The following CMSS1 variants were observed in gnomAD, a reference collection of about 807,000 sequenced individuals.
CMSS1 encodes the protein protein CMSS1.
CMSS1 carries 33 observed loss-of-function variants against 43.5 expected under a neutral mutation model. That is an observed-to-expected ratio of 0.76 (90% confidence interval 0.57 to 1.01). The LOEUF (loss-of-function observed/expected upper bound fraction) is 1.01. Among genes scored for constraint, CMSS1 ranks in the 50% least tolerant of loss-of-function variants. The pLI, the probability that CMSS1 is intolerant of heterozygous loss-of-function variation, is 0.00. For synonymous variants in CMSS1, 115 were observed against 117.2 expected (o/e 0.98, Z 0.12); for missense variants, 313 against 326.4 (o/e 0.96, Z 0.32).
chr3:100,011,790 T>C (rs1710163789), intron 1 of CMSS1: 1 of 152,188 alleles, frequency 6.6e-6, no homozygotes, highest in African/African-American at 2.4e-5. Flanking sequence ...TAAAACACTG[T>C]GTTTTGGTTG....
chr3:99,867,275 C>T (rs1944565515), intron 1 of CMSS1, among the ~76,000 whole-genome samples: 1 of 152,090 alleles, frequency 6.6e-6, no homozygotes, highest in Non-Finnish European at 1.5e-5. Flanking sequence ...GAGAAATGTT[C>T]TGTTTGTGGC....
At chr3:99,906,931 A>T (rs1706636900) in intron 1 of CMSS1, among the ~76,000 whole-genome samples, 1 of 152,228 alleles carries the variant, frequency 6.6e-6, no homozygotes, top group South Asian at 2.1e-4. Context: ...GTGGATGAAG[A>T]CAACTCTGAA....
chr3:99,924,509 T>C (rs1321104856), intron 1 of CMSS1: 24 of 1,209,086 alleles, frequency 2.0e-5, no homozygotes, highest in Non-Finnish European at 2.8e-5. Flanking sequence ...CGGCAGTGGG[T>C]TTTTTTGGTT....
chr3:99,836,682 T>C (rs1942911901), intron 1 of CMSS1, among the ~76,000 whole-genome samples: 2 of 152,194 alleles, frequency 1.3e-5, no homozygotes, highest in Admixed American at 1.3e-4. Flanking sequence ...ATGATAAGAA[T>C]ATAACTAGTT....
chr3:99,899,208 T>A (rs1182826376), intron 1 of CMSS1, among the ~76,000 whole-genome samples: 2 of 152,226 alleles, frequency 1.3e-5, no homozygotes, highest in African/African-American at 4.8e-5. Context: ...TTCGTTGATC[T>A]TTATTTTGCA....
intron 1 of CMSS1, among the ~76,000 whole-genome samples, chr3:100,119,666 G>A (rs1218834972): frequency 6.6e-6 from 1 of 152,142 alleles, no homozygotes; most frequent in Non-Finnish European, 1.5e-5. Flanking sequence ...CCAGAGGAAA[G>A]CAACTTCAGA....
At chr3:99,996,430 G>A (rs564935470) in intron 1 of CMSS1, among the ~76,000 whole-genome samples, 1 of 152,156 alleles carries the variant, frequency 6.6e-6, no homozygotes, top group East Asian at 1.9e-4. Flanking sequence ...ACATTTTCCT[G>A]TCTTCTTCTG....
intron 1 of CMSS1, among the ~76,000 whole-genome samples, chr3:100,003,412 A>T (rs146618278): frequency 6.6e-6 from 1 of 152,170 alleles, no homozygotes; most frequent in Non-Finnish European, 1.5e-5. Context: ...AGTTTAACCA[A>T]TGCACCTAGA....
At chr3:100,107,879 A>AG (rs568290316) in intron 1 of CMSS1, among the ~76,000 whole-genome samples, 1 of 91,756 alleles carries the variant, frequency 1.1e-5, no homozygotes, top group East Asian at 2.7e-4. Flanking sequence ...AAGAGAATTA[A>AG]AAAAAAAAAA....
chr3:99,901,860 T>C (rs1406352464), intron 1 of CMSS1, among the ~76,000 whole-genome samples: 2 of 152,176 alleles, frequency 1.3e-5, no homozygotes, highest in South Asian at 2.1e-4. Context: ...TACATTTGAT[T>C]TTTTTGTGAG....
In CMSS1 at chr3:99,983,485, T is replaced by C. The variant is rs1576619576; in HGVS notation, c.65-163488T>C. 1.3e-4 allele frequency among the ~76,000 whole-genome samples: 3 copies of C among 23,910 alleles called. 1 individual carries two copies. The highest frequency in any genetic ancestry group is 4.0e-4 in the African/African-American group (3 of 7,548). 15.7% of individuals were successfully genotyped at this position (23,910 alleles called of 152,430 possible). ...GTGTGTATATATATATATATATATA[T>C]ATATATATATATATATATATATATG... On this transcript the variant is annotated intron_variant, in intron 1 of 9. Transcript: ENST00000421999.
At chr3:99,930,912 C>G in intron 1 of CMSS1, 1 of 1,613,524 alleles carries the variant, frequency 6.2e-7, no homozygotes, top group Non-Finnish European at 8.5e-7. Flanking sequence ...GAGTCTTTGT[C>G]TTGCTGTCTA....
intron 1 of CMSS1, chr3:99,850,358 C>CTTG (rs1943614123): frequency 6.2e-7 from 1 of 1,612,762 alleles, no homozygotes; most frequent in Non-Finnish European, 8.5e-7. Flanking sequence ...GAGTAGCATT[C>CTTG]TTGTTTGCTT....
intron 1 of CMSS1, among the ~76,000 whole-genome samples, chr3:99,856,098 GCTGCTCTGCTCTGCTCTGCTCTGCT>G (rs71130096): frequency 2.4e-4 from 37 of 151,350 alleles, no homozygotes; most frequent in South Asian, 1.9e-3. Context: ...TGCTGCTCTT[GCTGCTCTGCTCTGCTCTGCTCTGCT>G]CTGCTCTGCT....
At chr3:99,904,927 G>C (rs1261253514) in intron 1 of CMSS1, among the ~76,000 whole-genome samples, 1 of 152,016 alleles carries the variant, frequency 6.6e-6, no homozygotes, top group Non-Finnish European at 1.5e-5. Context: ...CCTTCTTTGG[G>C]TCCTTGAAGT....
intron 1 of CMSS1, among the ~76,000 whole-genome samples, chr3:99,844,389 T>C (rs1276138117): frequency 6.6e-6 from 1 of 152,132 alleles, no homozygotes; most frequent in Non-Finnish European, 1.5e-5. Flanking sequence ...GCCTATCTTT[T>C]CTCTTGGGAT....
At chr3:100,098,296 T>C (rs2066246169) in intron 1 of CMSS1, among the ~76,000 whole-genome samples, 1 of 152,246 alleles carries the variant, frequency 6.6e-6, no homozygotes, top group Admixed American at 6.5e-5. Context: ...AAACAAGCAC[T>C]GTGTTTTAGA....
intron 1 of CMSS1, among the ~76,000 whole-genome samples, chr3:99,922,721 T>C (rs1707163415): frequency 6.6e-6 from 1 of 152,336 alleles, no homozygotes; most frequent in African/African-American, 2.4e-5. Context: ...ATGCTTATAC[T>C]GTCTACAGTG....
intron 1 of CMSS1, among the ~76,000 whole-genome samples, chr3:100,135,441 T>TGTGTGTGC (rs2066744659): frequency 7.7e-5 from 2 of 26,088 alleles, no homozygotes; most frequent in African/African-American, 3.4e-4. Flanking sequence ...TGTGTGCATG[T>TGTGTGTGC]GTGTGTGTGT....
Sources: gnomAD v4.1 joint callset for allele counts (sites outside exome capture counted in the v4.1 genomes callset) on GRCh38, gnomAD v4.1.1 for gene constraint, MANE v1.5 for transcripts, NCBI Gene and HGNC (gene_info 2026-07-23, HGNC 2026-07-21) for gene names.